The following PCDHGB2 variants were observed in gnomAD, a reference collection of about 807,000 sequenced individuals.
PCDHGB2 encodes protocadherin gamma-B2.
In PCDHGB2, 55 loss-of-function variants were observed where a neutral mutation model predicts 59.3. The ratio of observed to expected loss-of-function variants is 0.93; its 90% confidence interval spans 0.75 to 1.16. The LOEUF is 1.16. Ranked by LOEUF, PCDHGB2 falls within the 50% of genes most tolerant of loss-of-function variation. The pLI, the probability that PCDHGB2 is intolerant of heterozygous loss-of-function variation, is 0.00. For synonymous variants in PCDHGB2, 516 were observed against 512.0 expected (o/e 1.01, Z -0.11); for missense variants, 1,228 against 1,198.5 (o/e 1.02, Z -0.36).
At chr5:141,393,619 C>G (rs768350628) in intron 1 of PCDHGB2, 2 of 1,613,826 alleles carry the variant, frequency 1.2e-6, no homozygotes, top group Non-Finnish European at 1.7e-6. Flanking sequence ...GCCAGCGACC[C>G]GGATGAGGGA....
At chr5:141,482,235 T>C (rs2099554999) in intron 1 of PCDHGB2, among the ~76,000 whole-genome samples, 1 of 152,174 alleles carries the variant, frequency 6.6e-6, no homozygotes, top group Non-Finnish European at 1.5e-5. Context: ...AAATTGCCAA[T>C]ATAAGTATAG....
intron 1 of PCDHGB2, chr5:141,385,224 T>C (rs751833387): frequency 1.2e-6 from 2 of 1,614,206 alleles, no homozygotes; most frequent in Non-Finnish European, 1.7e-6. Context: ...AGCCCAACTA[T>C]GTAGACATGC....
chr5:141,395,310 A>G (rs752171326), intron 1 of PCDHGB2: 7 of 1,502,410 alleles, frequency 4.7e-6, no homozygotes. Context: ...TTTGAAAAAC[A>G]TTGTGAAGAT....
chr5:141,419,845 G>A, intron 1 of PCDHGB2: 3 of 1,614,064 alleles, frequency 1.9e-6, no homozygotes, highest in Non-Finnish European at 2.5e-6. Context: ...CGCTGCACCT[G>A]GTGTTCGCAG....
Position 141,439,440 on chromosome 5 carries a change from A to T in PCDHGB2, c.2422-55367A>T, listed in dbSNP as rs147662506. 1.4e-3 allele frequency among the ~76,000 whole-genome samples: 212 copies of T among 152,330 alleles called. 1 individual carries two copies. The highest frequency in any genetic ancestry group is 4.8e-3 in the African/African-American group (198 of 41,576). On this transcript the variant is annotated intron_variant, in intron 1 of 3. Transcript: ENST00000522605. Reference sequence around the variant, plus strand: ...GGTTATAAATTCCCAGGAATATTTTATTGCGGGAGCAAGACTGCACTGCTG... The same window carrying T: ...GGTTATAAATTCCCAGGAATATTTTTTTGCGGGAGCAAGACTGCACTGCTG...
At chr5:141,408,917 C>G in intron 1 of PCDHGB2, 1 of 1,613,366 alleles carries the variant, frequency 6.2e-7, no homozygotes, top group South Asian at 1.1e-5. Flanking sequence ...CAATGATAAC[C>G]CCCCGGTTTT....
Position 141,374,537 on chromosome 5 carries a change from T to G in PCDHGB2, c.2421+11981T>G, listed in dbSNP as rs1430968090. Reference sequence around the variant, plus strand: ...CGAAAACGCAGCTCCATCCTCTCGTTTTCCACTAATGGAGGTCTATGACCC... The same window carrying G: ...CGAAAACGCAGCTCCATCCTCTCGTGTTCCACTAATGGAGGTCTATGACCC... On this transcript the variant is annotated intron_variant, in intron 1 of 3. Coordinates refer to ENST00000522605, the MANE Select transcript of PCDHGB2 (RefSeq NM_018923.3). 4 of 1,613,198 alleles carry G rather than the reference T, an allele frequency of 2.5e-6. No individual in the cohort carries two copies. In the Admixed American group the frequency reaches 5.0e-5, roughly 20 times the overall value.
chr5:141,427,320 G>A (rs920149276), intron 1 of PCDHGB2: 5 of 456,968 alleles, frequency 1.1e-5, no homozygotes, highest in Non-Finnish European at 1.8e-5. Context: ...CCCAGACGTG[G>A]TTTTTACTTC....
intron 1 of PCDHGB2, chr5:141,410,822 A>C: frequency 2.2e-6 from 1 of 461,410 alleles, no homozygotes; most frequent in Non-Finnish European, 3.6e-6. Context: ...AAATAATGTC[A>C]CCAGACTGAA....
intron 1 of PCDHGB2, chr5:141,378,737 T>C (rs982541693): frequency 3.3e-5 from 5 of 152,152 alleles, no homozygotes; most frequent in African/African-American, 1.2e-4. Flanking sequence ...TATTGAAATA[T>C]TTCAAGAAAA....
intron 1 of PCDHGB2, chr5:141,419,095 G>A (rs1478382101): frequency 1.2e-6 from 2 of 1,613,816 alleles, no homozygotes; most frequent in African/African-American, 2.7e-5. Context: ...CCCTGGATCG[G>A]GAGCAGACCC....
intron 1 of PCDHGB2, chr5:141,417,045 A>G (rs890407837): frequency 7.2e-5 from 11 of 152,144 alleles, no homozygotes; most frequent in Admixed American, 1.3e-4. Context: ...TTTTAAAAAA[A>G]ACTGCTCTTG....
chr5:141,365,561 G>A lies in PCDHGB2; in HGVS notation c.2421+3005G>A. On this transcript the variant is annotated intron_variant, in intron 1 of 3. Coordinates refer to ENST00000522605, the MANE Select transcript of PCDHGB2 (RefSeq NM_018923.3). Reference sequence around the variant, plus strand: ...TCACCTATTAACAACTAGGGACCTGGACAGAGAAGAGACTTCAGATTATAA... The same window carrying A: ...TCACCTATTAACAACTAGGGACCTGAACAGAGAAGAGACTTCAGATTATAA... 2 of 1,613,682 alleles carry A rather than the reference G, an allele frequency of 1.2e-6. No homozygotes were observed. The highest frequency in any genetic ancestry group is 1.7e-6 in the Non-Finnish European group (2 of 1,179,886).
chr5:141,375,599 T>A (rs1352335566), intron 1 of PCDHGB2: 1 of 1,614,126 alleles, frequency 6.2e-7, no homozygotes, highest in East Asian at 2.2e-5. Context: ...CTCCTACGTG[T>A]CCATCAACTC....
At chr5:141,389,172 C>G (rs1276294939) in intron 1 of PCDHGB2, 1 of 1,614,036 alleles carries the variant, frequency 6.2e-7, no homozygotes, top group Non-Finnish European at 8.5e-7. Flanking sequence ...CAAGCCTCCC[C>G]TCTCCTCCAG....
Position 141,432,726 on chromosome 5 carries a change from C to T in PCDHGB2, c.2422-62081C>T, listed in dbSNP as rs777248611. The T allele has an allele frequency of 3.1e-6, 5 of 1,614,092 alleles. No homozygotes were observed. Among genetic ancestry groups the T allele is most frequent in the Non-Finnish European group, 3.4e-6 (4 of 1,179,998 alleles). On this transcript the variant is annotated intron_variant, in intron 1 of 3. Coordinates refer to ENST00000522605, the MANE Select transcript of PCDHGB2 (RefSeq NM_018923.3). This position sits in a 1 kb window ranked among gnomAD's most constrained non-coding sequence, Gnocchi z 6.0. ...GACCACGGCCAGCCCCCTCTCTCCG[C>T]CACTGTCACGCTCACCGTGGCCGTG...
chr5:141,485,586 TG>T lies in PCDHGB2; in HGVS notation c.2422-9219del. The T allele has an allele frequency of 6.2e-7, 1 of 1,612,402 alleles. No homozygotes were observed. Among genetic ancestry groups the T allele is most frequent in the Non-Finnish European group, 8.5e-7 (1 of 1,178,600 alleles). Reference sequence around the variant, plus strand: ...GCCCCCCGTTTTCCGCGGCAGCAGCTGGACTTGGAAATTGGGGAGGCAGCTC... The same window carrying T: ...GCCCCCCGTTTTCCGCGGCAGCAGCTGACTTGGAAATTGGGGAGGCAGCTC... On this transcript the variant is annotated intron_variant, in intron 1 of 3. Coordinates refer to ENST00000522605, the MANE Select transcript of PCDHGB2 (RefSeq NM_018923.3). The surrounding 1 kb of genome is among the most constrained non-coding windows in gnomAD (Gnocchi z 5.7).
At chr5:141,377,830 G>A (rs981734715) in intron 1 of PCDHGB2, 2 of 152,172 alleles carry the variant, frequency 1.3e-5, no homozygotes, top group Admixed American at 6.5e-5. Flanking sequence ...AGTTACAATC[G>A]CCATTATCTT....
intron 1 of PCDHGB2, chr5:141,383,265 A>AAT: frequency 6.2e-7 from 1 of 1,613,948 alleles, no homozygotes; most frequent in African/African-American, 1.3e-5. Flanking sequence ...TAGACGTGGA[A>AAT]ATAATAGATA....
Sources: allele counts gnomAD v4.1 joint callset (sites outside exome capture counted in the v4.1 genomes callset), GRCh38; gene constraint gnomAD v4.1.1; non-coding constraint Gnocchi (gnomAD v3.1); transcripts MANE v1.5; gene names NCBI Gene and HGNC (gene_info 2026-07-23, HGNC 2026-07-21).